Variants in PIGX observed in about 807,000 individuals in gnomAD.
PIGX encodes the protein GPI alpha-1,4-mannosyltransferase I, stabilizing subunit.
In PIGX, 24 loss-of-function variants were observed where a neutral mutation model predicts 28.7. The ratio of observed to expected loss-of-function variants is 0.84; its 90% CI spans 0.60 to 1.17. The LOEUF (loss-of-function observed/expected upper bound fraction) is 1.17, where lower values mean the gene tolerates loss of function less well. Among genes scored for constraint, PIGX ranks in the 50% most tolerant of loss-of-function variants. The probability of loss-of-function intolerance (pLI) is 0.00; values close to 1 mark genes in which losing one functional copy is unlikely to be tolerated. For synonymous variants in PIGX, 127 were observed against 121.0 expected (o/e 1.05, Z -0.33); for missense variants, 305 against 317.8 (o/e 0.96, Z 0.31).
chr3:196,719,586 A>G (rs1471643530), intron 2 of PIGX, among the ~76,000 whole-genome samples: 1 of 152,160 alleles, frequency 6.6e-6, no homozygotes, highest in African/African-American at 2.4e-5. Context: ...CCTTCAAATA[A>G]TTTTATTCCA....
At chr3:196,714,005 A>G (rs1577666834) in intron 1 of PIGX, among the ~76,000 whole-genome samples, 1 of 152,192 alleles carries the variant, frequency 6.6e-6, no homozygotes, top group Non-Finnish European at 1.5e-5. Context: ...TTGCTGTACT[A>G]TTTGTAAATT....
At chr3:196,728,607 G>C in intron 4 of PIGX, 1 of 752,546 alleles carries the variant, frequency 1.3e-6, no homozygotes, top group Non-Finnish European at 2.4e-6. Context: ...TCTGTTGAAA[G>C]AACCTGGGCC....
At chr3:196,732,276 T>TTTTA (rs1712834164) in intron 5 of PIGX, among the ~76,000 whole-genome samples, 6 of 75,018 alleles carry the variant, frequency 8.0e-5, no homozygotes, top group Non-Finnish European at 1.2e-4. Context: ...ATTTTATTTT[T>TTTTA]TTTTTTATTT....
chr3:196,723,054 A>G (rs1223524297), intron 3 of PIGX, among the ~76,000 whole-genome samples: 1 of 152,202 alleles, frequency 6.6e-6, no homozygotes, highest in Non-Finnish European at 1.5e-5. Context: ...ATATAGGGAA[A>G]CTGAGGGCTG....
At position 196,719,823 on chromosome 3, in the gene PIGX, G is replaced by A. The variant is rs368274376; in HGVS notation, c.177-2592G>A. On this transcript the variant is annotated intron_variant, in intron 2 of 5. Coordinates refer to ENST00000392391, the MANE Select transcript of PIGX (RefSeq NM_017861.4). ...TTTTTTTTTTTTGGTATGGGGTCTCGCTCTGTTGCCAGGCTGGAGTGCATG... is the reference window on the plus strand; with the variant it reads ...TTTTTTTTTTTTGGTATGGGGTCTCACTCTGTTGCCAGGCTGGAGTGCATG... Among the ~76,000 whole-genome samples the A allele has an allele frequency of 2.0e-5, 3 of 150,720 alleles. No homozygotes were observed. In the East Asian group the frequency reaches 5.8e-4, roughly 29 times the overall value.
chr3:196,730,953 T>C (rs775856693), intron 4 of PIGX, 39 bp from the exon 5 acceptor site: 1 of 1,237,194 alleles, frequency 8.1e-7, no homozygotes, highest in Non-Finnish European at 1.2e-6. Flanking sequence ...TCAGTCCAAA[T>C]ACAGGTTTTC....
At chr3:196,731,181 ATTTTT>A in intron 5 of PIGX, 89 bp downstream of exon 5, 4 of 477,840 alleles carry the variant, frequency 8.4e-6, no homozygotes, top group East Asian at 4.4e-5. Flanking sequence ...AGAGATTAGC[ATTTTT>A]TTTTTTTTTT....
chr3:196,727,175 A>G (rs1712554460), intron 3 of PIGX, among the ~76,000 whole-genome samples: 2 of 152,178 alleles, frequency 1.3e-5, no homozygotes, highest in Admixed American at 6.5e-5. Context: ...ACATATACAC[A>G]TAGGTCGCGT....
chr3:196,712,385 A>C lies in PIGX; in HGVS notation c.-148A>C. On this transcript the variant is annotated 5_prime_UTR_variant, in exon 1 of 6. Transcript: ENST00000392391. ...GGGCCGGGGCTGCAGGCAGCTGGGA[A>C]CCGCGGGCGCTAGGCGCGCGCACCC... 2.0e-5 allele frequency: 6 copies of C among 306,640 alleles called. No homozygotes were observed. Among genetic ancestry groups the C allele is most frequent in the Non-Finnish European group, 2.8e-5 (5 of 179,330 alleles). The allele number at this position is 306,640 out of a possible 1,614,324, so 19.0% of individuals were successfully genotyped here. A position where few individuals can be genotyped will look rare whatever the true frequency, so the allele number is the denominator to read the frequency against.
intron 2 of PIGX, chr3:196,721,228 G>T: frequency 2.8e-6 from 1 of 360,620 alleles, no homozygotes; most frequent in Non-Finnish European, 5.3e-6. Flanking sequence ...AAAGGCCATG[G>T]AGGCGGTTCC....
chr3:196,719,826 C>G (rs1712242966), intron 2 of PIGX, among the ~76,000 whole-genome samples: 1 of 151,466 alleles, frequency 6.6e-6, no homozygotes, highest in Non-Finnish European at 1.5e-5. Flanking sequence ...GGGTCTCGCT[C>G]TGTTGCCAGG....
intron 1 of PIGX, among the ~76,000 whole-genome samples, chr3:196,714,712 C>G (rs73089240): frequency 0.42 from 63,602 of 151,952 alleles, 13,635 homozygotes; most frequent in East Asian, 0.56. Context: ...TGCCTGCCTC[C>G]CCCTCCCAAA....
intron 2 of PIGX, 125 bp from the exon 3 acceptor site, chr3:196,722,290 C>T: frequency 1.5e-6 from 1 of 655,504 alleles, no homozygotes; most frequent in Non-Finnish European, 2.6e-6. Flanking sequence ...TTCATTTGAC[C>T]TTATAATCTA....
intron 3 of PIGX, among the ~76,000 whole-genome samples, chr3:196,726,385 G>A (rs998648753): frequency 3.3e-5 from 5 of 152,270 alleles, no homozygotes; most frequent in Admixed American, 1.3e-4. Flanking sequence ...AGAATCACTT[G>A]AGCCCAGGAG....
chr3:196,726,833 G>C (rs572356916), intron 3 of PIGX: 3 of 292,190 alleles, frequency 1.0e-5, no homozygotes, highest in Non-Finnish European at 2.1e-5. Flanking sequence ...GATAGATCGA[G>C]ATGACTTATA....
intron 5 of PIGX, among the ~76,000 whole-genome samples, chr3:196,732,902 T>C (rs1022665874): frequency 2.6e-5 from 4 of 152,232 alleles, no homozygotes; most frequent in African/African-American, 9.6e-5. Flanking sequence ...GAGTTGAATG[T>C]AGGAGCTTTT....
rs1712966219 is a variant in PIGX at position 196,735,319 on chromosome 3, A to AAAAAAAAAAAAAAAAT, written c.*1422_*1423insAAAAAAAAAATAAAAA. 7.0e-6 allele frequency: 1 copy of AAAAAAAAAAAAAAAAT among 142,708 alleles called. No homozygotes were observed. The highest frequency in any genetic ancestry group is 2.0e-4 in the East Asian group (1 of 5,126). The allele number at this position is 142,708 out of a possible 1,614,324, so 8.8% of individuals were successfully genotyped here. A position where few individuals can be genotyped will look rare whatever the true frequency, so the allele number is the denominator to read the frequency against. On this transcript the variant is annotated 3_prime_UTR_variant, in exon 6 of 6. Transcript: ENST00000392391. Reference sequence around the variant, plus strand: ...CAAAAAAAAAAAAAAAAAAAAAAAAAAAAAAGTAAATAAAACCTTAGGGCA... The same window carrying AAAAAAAAAAAAAAAAT: ...CAAAAAAAAAAAAAAAAAAAAAAAAAAAAAAAAAAAAAAAATAAAAAGTAAATAAAACCTTAGGGCA...
chr3:196,713,105 G>T (rs546149033), intron 1 of PIGX: 161 of 985,002 alleles, frequency 1.6e-4, no homozygotes, highest in Admixed American at 9.2e-4. Context: ...GGGCAAGTGC[G>T]GGAATAATTA....
chr3:196,727,970 G>A lies in PIGX; in HGVS notation c.366G>A (p.Leu122=). Residue 122 remains leucine, a synonymous_variant, in exon 4 of 6, where the codon TTG becomes TTA. Transcript: ENST00000392391. ...TTGATATAGAGGCCCCTAACTATTT[G>A]TCCAAGGAGTCTGAAGTTCTCATTT... 6.2e-7 allele frequency: 1 copy of A among 1,613,996 alleles called. No individual in the cohort carries two copies. Among genetic ancestry groups the A allele is most frequent in the Non-Finnish European group, 8.5e-7 (1 of 1,179,878 alleles).
Sources: gnomAD v4.1 joint callset for allele counts (sites outside exome capture counted in the v4.1 genomes callset) on GRCh38, gnomAD v4.1.1 for gene constraint, MANE v1.5 for transcripts, NCBI Gene and HGNC (gene_info 2026-07-23, HGNC 2026-07-21) for gene names.